The following KIAA1217 variants were observed in gnomAD, a reference collection of about 807,000 sequenced individuals.
The protein encoded by KIAA1217 is sickle tail protein homolog.
A neutral mutation model predicts 163.9 loss-of-function variants in KIAA1217; 88 were observed. That is an observed-to-expected ratio of 0.54 (90% CI 0.45 to 0.64). KIAA1217 has a LOEUF of 0.64. Ranked by LOEUF, KIAA1217 falls within the 30% of genes least tolerant of loss-of-function variation. The pLI is 0.00. For synonymous variants in KIAA1217, 903 were observed against 923.1 expected (o/e 0.98, Z 0.39); for missense variants, 2,372 against 2,475.0 (o/e 0.96, Z 0.88).
At position 24,511,152 on chromosome 10, in the gene KIAA1217, C is replaced by CAAAAAA. The variant is rs58529942; in HGVS notation, c.2002-2091_2002-2086dup. The stretch of plus-strand genomic sequence containing the variant: ...TGGGCAACAGAGTGAGACTCTGTCT[C>CAAAAAA]AAAAAAAAAAAAAAAAAAAAAGGAG... On this transcript the variant is annotated intron_variant, in intron 9 of 20. Coordinates refer to ENST00000376454, the MANE Select transcript of KIAA1217 (RefSeq NM_019590.5). Among the ~76,000 whole-genome samples the CAAAAAA allele has an allele frequency of 8.7e-4, 30 of 34,504 alleles. 3 individuals are homozygous for CAAAAAA. Among genetic ancestry groups the CAAAAAA allele is most frequent in the East Asian group, 3.4e-3 (3 of 884 alleles). The allele number at this position is 34,504 out of a possible 152,430, so 22.6% of individuals were successfully genotyped here. A position where few individuals can be genotyped will look rare whatever the true frequency, so the allele number is the denominator to read the frequency against.
chr10:24,044,901 T>C (rs976239501), intron 2 of KIAA1217, among the ~76,000 whole-genome samples: 7 of 152,120 alleles, frequency 4.6e-5, no homozygotes, highest in Non-Finnish European at 7.4e-5. Context: ...TAGATGCTTT[T>C]CTCTGCATTC....
intron 2 of KIAA1217, among the ~76,000 whole-genome samples, chr10:24,090,970 C>G: frequency 1.3e-5 from 2 of 152,034 alleles, no homozygotes; most frequent in Admixed American, 1.3e-4. Context: ...TTATATTACA[C>G]TTATGATGGT....
At chr10:24,352,482 C>G (rs1000883745) in intron 2 of KIAA1217, among the ~76,000 whole-genome samples, 1 of 152,160 alleles carries the variant, frequency 6.6e-6, no homozygotes, top group African/African-American at 2.4e-5. Flanking sequence ...AAAGCACCAC[C>G]CTTCTATTAA....
At chr10:23,982,563 C>G (rs564140872) in intron 1 of KIAA1217, among the ~76,000 whole-genome samples, 7 of 146,314 alleles carry the variant, frequency 4.8e-5, no homozygotes, top group African/African-American at 1.8e-4. Context: ...CTCTCTCTCT[C>G]TCTCTCTCTC....
chr10:24,372,590 T>A (rs576613720), intron 2 of KIAA1217, among the ~76,000 whole-genome samples: 32 of 152,306 alleles, frequency 2.1e-4, no homozygotes, highest in African/African-American at 7.5e-4. Context: ...CTCAGCATTT[T>A]GCAATATACC....
At chr10:24,121,178 A>G (rs1241503372) in intron 2 of KIAA1217, among the ~76,000 whole-genome samples, 2 of 152,148 alleles carry the variant, frequency 1.3e-5, no homozygotes, top group Non-Finnish European at 2.9e-5. Flanking sequence ...ACCTTCATTC[A>G]TGGATAGTAT....
intron 5 of KIAA1217, among the ~76,000 whole-genome samples, chr10:24,456,908 G>A (rs2132463954): frequency 6.6e-6 from 1 of 151,850 alleles, no homozygotes; most frequent in South Asian, 2.1e-4. Context: ...CACCACGTTG[G>A]CCAGGCTGCT....
At chr10:24,395,855 T>C (rs1033126737) in intron 3 of KIAA1217, among the ~76,000 whole-genome samples, 5 of 152,132 alleles carry the variant, frequency 3.3e-5, no homozygotes, top group Non-Finnish European at 5.9e-5. Context: ...GTTGTTGTTG[T>C]TAATTTTGTA....
At chr10:24,307,312 G>T (rs1162919901) in intron 2 of KIAA1217, among the ~76,000 whole-genome samples, 1 of 152,192 alleles carries the variant, frequency 6.6e-6, no homozygotes, top group Non-Finnish European at 1.5e-5. Flanking sequence ...AGCAGAGAAG[G>T]ACTGATAGTG....
chr10:24,083,981 C>T (rs926565117), intron 2 of KIAA1217, among the ~76,000 whole-genome samples: 2 of 151,644 alleles, frequency 1.3e-5, no homozygotes, highest in Admixed American at 6.6e-5. Context: ...AGGAGAGAAA[C>T]CTAAGAGCTA....
chr10:24,413,657 T>C (rs912553901), intron 3 of KIAA1217, among the ~76,000 whole-genome samples: 3 of 152,200 alleles, frequency 2.0e-5, no homozygotes, highest in Non-Finnish European at 4.4e-5. Flanking sequence ...CCAAACACAG[T>C]AGCTCTCTGC....
chr10:24,002,680 G>T (rs1846802143), intron 1 of KIAA1217, among the ~76,000 whole-genome samples: 1 of 152,020 alleles, frequency 6.6e-6, no homozygotes, highest in Non-Finnish European at 1.5e-5. Context: ...TAGTTTTGGG[G>T]GTACAGGTGG....
intron 2 of KIAA1217, among the ~76,000 whole-genome samples, chr10:24,093,204 C>T (rs749154718): frequency 2.6e-5 from 4 of 151,352 alleles, no homozygotes; most frequent in Non-Finnish European, 5.9e-5. Context: ...GAGTTTTACT[C>T]TTGTTGCCTA....
intron 5 of KIAA1217, among the ~76,000 whole-genome samples, chr10:24,441,097 T>C (rs995736255): frequency 6.6e-6 from 1 of 152,222 alleles, no homozygotes; most frequent in Non-Finnish European, 1.5e-5. Context: ...CATCAATTGT[T>C]GTAGACTAAA....
intron 2 of KIAA1217, among the ~76,000 whole-genome samples, chr10:24,341,759 TA>T (rs2047129968): frequency 6.6e-6 from 1 of 152,204 alleles, no homozygotes; most frequent in Non-Finnish European, 1.5e-5. Flanking sequence ...TGCTAACTAA[TA>T]GCCTTAGACA....
At chr10:24,434,600 G>T (rs948783510) in intron 4 of KIAA1217, among the ~76,000 whole-genome samples, 1 of 152,172 alleles carries the variant, frequency 6.6e-6, no homozygotes, top group Non-Finnish European at 1.5e-5. Context: ...ACTCCCAAAT[G>T]GTTGGGATTA....
chr10:24,105,680 T>C (rs141221751), intron 2 of KIAA1217, among the ~76,000 whole-genome samples: 16 of 152,352 alleles, frequency 1.1e-4, no homozygotes, highest in African/African-American at 3.4e-4. Context: ...AGCAGAATAG[T>C]TGCATTCATT....
Position 24,219,990 on chromosome 10 carries a change from A to G in KIAA1217, c.354+81A>G, listed in dbSNP as rs1461498272. On this transcript the variant is annotated intron_variant, in intron 2 of 20. Coordinates refer to ENST00000376454, the MANE Select transcript of KIAA1217 (RefSeq NM_019590.5). ...GAAAGCAAACTTACTTTCTTTGTAA[A>G]AGGTAAAGGATAGCTTAGTGGACTG... 3 of 1,413,710 alleles carry G rather than the reference A, an allele frequency of 2.1e-6. No homozygotes were observed. The African/African-American group carries it at 4.3e-5, about 20-fold the overall frequency. The allele number at this position is 1,413,710 out of a possible 1,614,324, so 87.6% of individuals were successfully genotyped here. A position where few individuals can be genotyped will look rare whatever the true frequency, so the allele number is the denominator to read the frequency against.
chr10:24,000,580 G>A (rs529431452), intron 1 of KIAA1217, among the ~76,000 whole-genome samples: 1 of 152,292 alleles, frequency 6.6e-6, no homozygotes, highest in African/African-American at 2.4e-5. Context: ...TTAACATCGG[G>A]CATTGAGTAA....
Sources: gnomAD v4.1 joint callset for allele counts (sites outside exome capture counted in the v4.1 genomes callset) on GRCh38, gnomAD v4.1.1 for gene constraint, MANE v1.5 for transcripts, NCBI Gene and HGNC (gene_info 2026-07-23, HGNC 2026-07-21) for gene names.